The following WAPL variants were observed in gnomAD, a reference collection of about 807,000 sequenced individuals.
WAPL encodes WAPL cohesin release factor.
A neutral mutation model predicts 121.0 loss-of-function variants in WAPL; 5 were observed. The ratio of observed to expected loss-of-function variants is 0.04; its 90% CI spans 0.02 to 0.09. The LOEUF (loss-of-function observed/expected upper bound fraction) is 0.09. Among genes scored for constraint, WAPL ranks in the 10% least tolerant of loss-of-function variants. The probability of loss-of-function intolerance (pLI) is 1.00; values close to 1 mark genes in which losing one functional copy is unlikely to be tolerated. For synonymous variants in WAPL, 480 were observed against 481.5 expected (o/e 1.00, Z 0.04); for missense variants, 999 against 1,410.8 (o/e 0.71, Z 4.68).
At chr10:86,452,154 A>T in intron 14 of WAPL, 23 bp from the exon 15 acceptor site, 1 of 1,607,726 alleles carries the variant, frequency 6.2e-7, no homozygotes, top group Non-Finnish European at 8.5e-7. Flanking sequence ...TAAAAGACAC[A>T]TATTATCAGA....
At chr10:86,506,542 G>A (rs1342052751) in intron 2 of WAPL, among the ~76,000 whole-genome samples, 1 of 151,982 alleles carries the variant, frequency 6.6e-6, no homozygotes, top group East Asian at 1.9e-4. Context: ...GGGGTGGGAG[G>A]GGCGGCAGGC....
chr10:86,460,641 C>T lies in WAPL; in HGVS notation c.2483-145G>A. ...AACATTTTTTATTCTAGGTTTCATA[C>T]TGTGAGATTTTGAAATGCATACTCT... On this transcript the variant is annotated intron_variant, in intron 10 of 18. Transcript: ENST00000298767. The T allele has an allele frequency of 1.1e-5, 7 of 618,738 alleles. No individual in the cohort carries two copies. The South Asian group carries it at 1.5e-4, about 14-fold the overall frequency. The allele number at this position is 618,738 out of a possible 1,614,324, so 38.3% of individuals were successfully genotyped here. A position where few individuals can be genotyped will look rare whatever the true frequency, so the allele number is the denominator to read the frequency against.
At chr10:86,469,057 T>C (rs1361640051) in intron 8 of WAPL, among the ~76,000 whole-genome samples, 2 of 151,906 alleles carry the variant, frequency 1.3e-5, no homozygotes, top group Non-Finnish European at 2.9e-5. Context: ...TGAGCCAAGA[T>C]TGTGTCACTG....
chr10:86,489,796 T>C (rs765548799), intron 4 of WAPL, among the ~76,000 whole-genome samples: 1 of 150,434 alleles, frequency 6.6e-6, no homozygotes, highest in Non-Finnish European at 1.5e-5. Flanking sequence ...ATGGGGCCAC[T>C]GGAATTCTTA....
intron 4 of WAPL, among the ~76,000 whole-genome samples, chr10:86,478,853 G>A (rs539120701): frequency 6.6e-6 from 1 of 152,196 alleles, no homozygotes; most frequent in East Asian, 1.9e-4. Context: ...CCAGCACTTT[G>A]GGAGGCCGAG....
At chr10:86,513,242 C>A (rs1373454740) in intron 2 of WAPL, among the ~76,000 whole-genome samples, 1 of 151,706 alleles carries the variant, frequency 6.6e-6, no homozygotes, top group Non-Finnish European at 1.5e-5. Flanking sequence ...AAGCGATTCA[C>A]CCGCCTCGGC....
At chr10:86,459,827 T>C (rs901403036) in intron 11 of WAPL, among the ~76,000 whole-genome samples, 5 of 152,164 alleles carry the variant, frequency 3.3e-5, no homozygotes, top group Admixed American at 6.6e-5. Context: ...ACAATAAAGA[T>C]TGGAGGGGCC....
At chr10:86,518,352 T>C (rs1399748456) in intron 1 of WAPL, among the ~76,000 whole-genome samples, 2 of 152,242 alleles carry the variant, frequency 1.3e-5, no homozygotes, top group African/African-American at 4.8e-5. Flanking sequence ...AACCAACTTA[T>C]AATACGATAT....
intron 16 of WAPL, chr10:86,443,626 A>C: frequency 2.4e-6 from 1 of 421,260 alleles, no homozygotes; most frequent in Non-Finnish European, 4.3e-6. Context: ...TAATCCACAG[A>C]ATGAGAAAAT....
chr10:86,500,805 C>T (rs1355981018), intron 2 of WAPL, 62 bp from the exon 3 acceptor site: 2 of 1,311,168 alleles, frequency 1.5e-6, no homozygotes, highest in Non-Finnish European at 2.1e-6. Context: ...TAATAAATAA[C>T]ATATATGTGG....
intron 1 of WAPL, 45 bp from the exon 2 acceptor site, chr10:86,518,136 T>G: frequency 6.5e-7 from 1 of 1,530,960 alleles, no homozygotes; most frequent in Non-Finnish European, 8.8e-7. Flanking sequence ...CAAATACAAG[T>G]GTTAAACAGT....
intron 9 of WAPL, among the ~76,000 whole-genome samples, chr10:86,465,337 C>T (rs1442833912): frequency 2.0e-5 from 3 of 152,164 alleles, no homozygotes; most frequent in African/African-American, 7.2e-5. Context: ...TCCCAAGTAG[C>T]TGGGAATACA....
intron 4 of WAPL, among the ~76,000 whole-genome samples, chr10:86,490,377 A>C (rs1208936944): frequency 6.6e-6 from 1 of 152,212 alleles, no homozygotes. Context: ...CTGCTGACTC[A>C]AGTTGCCATG....
chr10:86,494,149 A>T (rs1001879489), intron 4 of WAPL, among the ~76,000 whole-genome samples: 18 of 152,244 alleles, frequency 1.2e-4, no homozygotes, highest in African/African-American at 4.3e-4. Flanking sequence ...TGTAGCAGTC[A>T]AAAAGTAAAA....
At chr10:86,460,330 GTC>G in intron 11 of WAPL, 67 bp downstream of exon 11, 7 of 1,264,474 alleles carry the variant, frequency 5.5e-6, no homozygotes, top group South Asian at 2.5e-5. Context: ...ATATTTGGCA[GTC>G]TCTCTCTTAC....
intron 14 of WAPL, among the ~76,000 whole-genome samples, chr10:86,452,612 A>G (rs1841012559): frequency 6.6e-6 from 1 of 151,964 alleles, no homozygotes; most frequent in Non-Finnish European, 1.5e-5. Flanking sequence ...AAACAAAAAA[A>G]GAACAAAAAA....
rs374902894 is a variant in WAPL at position 86,453,851 on chromosome 10, T to C, written c.2658-20A>G. On this transcript the variant is annotated intron_variant, in intron 12 of 18. Coordinates refer to ENST00000298767, the MANE Select transcript of WAPL (RefSeq NM_015045.5). The stretch of plus-strand genomic sequence containing the variant: ...AATGCTCTTAAAAGGAAATAAAATA[T>C]AGACTATTATAGTAAATAATAATAG... 175 of 1,500,860 alleles carry C rather than the reference T, an allele frequency of 1.2e-4. No individual in the cohort carries two copies. Among genetic ancestry groups the C allele is most frequent in the Non-Finnish European group, 1.5e-4 (173 of 1,121,576 alleles). 93.0% of individuals were successfully genotyped at this position (1,500,860 alleles called of 1,614,324 possible).
rs1841561228 is a variant in WAPL, at chr10:86,472,692, C to T, written c.1813G>A (p.Val605Met). Residue 605 changes from valine to methionine, a missense_variant, in exon 6 of 19, where the codon GTG becomes ATG. By Grantham distance (21) the Val-to-Met change is conservative. This residue lies in a region of WAPL where 74 missense variants were observed against 115.1 expected (regional missense o/e 0.64). Transcript: ENST00000298767. This position sits in a 1 kb window ranked among gnomAD's most constrained non-coding sequence, Gnocchi z 4.2. The part of the protein sequence containing the change: ...VFKAPAPPSK[V>M]IKTVTIPTQP... ...GTAGGTATTGTCACAGTTTTTATCA[C>T]TTTGGATGGTGGTGCAGGAGCCTTA... The T allele has an allele frequency of 6.2e-7, 1 of 1,613,906 alleles. No individual in the cohort carries two copies. The highest frequency in any genetic ancestry group is 8.5e-7 in the Non-Finnish European group (1 of 1,179,920).
chr10:86,452,297 A>G (rs1425330556), intron 14 of WAPL, among the ~76,000 whole-genome samples, 166 bp from the exon 15 acceptor site: 11 of 152,094 alleles, frequency 7.2e-5, no homozygotes, highest in Non-Finnish European at 1.6e-4. Flanking sequence ...AAAAGAAAAA[A>G]AAAAAAGAAA....
Sources: gnomAD v4.1 joint callset for allele counts (sites outside exome capture counted in the v4.1 genomes callset) on GRCh38, gnomAD v4.1.1 for gene constraint, gnomAD v4.1.1 regional missense constraint, Gnocchi (gnomAD v3.1) non-coding constraint, MANE v1.5 for transcripts, NCBI Gene and HGNC (gene_info 2026-07-23, HGNC 2026-07-21) for gene names.